Variants in SCN10A observed in about 807,000 individuals in gnomAD.
The protein encoded by SCN10A is sodium voltage-gated channel alpha subunit 10.
Under a neutral mutation model 170.7 loss-of-function variants are expected in SCN10A, and 162 were observed. The observed-to-expected ratio is 0.95, with a 90% confidence interval of 0.84 to 1.08. SCN10A has a LOEUF of 1.08. Among genes scored for constraint, SCN10A ranks in the 50% least tolerant of loss-of-function variants. The pLI is 0.00. For missense variants in SCN10A, 2,527 were observed against 2,436.9 expected (o/e 1.04, Z -0.78); for synonymous variants, 985 against 904.6 (o/e 1.09, Z -1.59).
intron 8 of SCN10A, among the ~76,000 whole-genome samples, chr3:38,759,439 C>A (rs1252697983): frequency 6.6e-6 from 1 of 152,054 alleles, no homozygotes; most frequent in Non-Finnish European, 1.5e-5. Context: ...CTTGAAAGCT[C>A]ACCTCAAACA....
intron 20 of SCN10A, among the ~76,000 whole-genome samples, chr3:38,720,978 T>C (rs1053620109): frequency 5.3e-5 from 8 of 152,174 alleles, no homozygotes; most frequent in African/African-American, 1.9e-4. Context: ...GCCAGGGCAC[T>C]GGGCACCTGC....
At chr3:38,726,502 T>G in intron 17 of SCN10A, 104 bp downstream of exon 17, 3 of 937,680 alleles carry the variant, frequency 3.2e-6, no homozygotes, top group Non-Finnish European at 4.7e-6. Flanking sequence ...GGTTTAAACT[T>G]CTTTATGTCA....
intron 11 of SCN10A, among the ~76,000 whole-genome samples, chr3:38,753,733 T>G (rs903585934): frequency 3.9e-5 from 6 of 152,180 alleles, no homozygotes; most frequent in African/African-American, 1.4e-4. Context: ...AGCAAACCAA[T>G]GAAGAAACTG....
intron 5 of SCN10A, among the ~76,000 whole-genome samples, chr3:38,768,536 T>A (rs2063961332): frequency 6.6e-6 from 1 of 152,206 alleles, no homozygotes; most frequent in Admixed American, 6.5e-5. Flanking sequence ...TGGCTGGCAA[T>A]TATTTTGTTT....
At chr3:38,811,963 G>C (rs1276551085) in intron 1 of SCN10A, among the ~76,000 whole-genome samples, 1 of 152,178 alleles carries the variant, frequency 6.6e-6, no homozygotes, top group African/African-American at 2.4e-5. Flanking sequence ...CCGCTCACTT[G>C]GTTTACGGTG....
intron 19 of SCN10A, 137 bp downstream of exon 19, chr3:38,723,293 G>A (rs991357441): frequency 2.9e-6 from 3 of 1,033,480 alleles, no homozygotes; most frequent in African/African-American, 3.1e-5. Context: ...TCTGATGCGG[G>A]CGCCCTCAAG....
intron 5 of SCN10A, among the ~76,000 whole-genome samples, chr3:38,765,875 G>C (rs1237053811): frequency 2.6e-5 from 4 of 152,020 alleles, no homozygotes; most frequent in Non-Finnish European, 4.4e-5. Context: ...CCATTTGTTT[G>C]TGTCATCTGT....
chr3:38,783,466 C>T (rs981285418), intron 4 of SCN10A, among the ~76,000 whole-genome samples: 4 of 151,918 alleles, frequency 2.6e-5, no homozygotes, highest in Admixed American at 2.6e-4. Context: ...TTATGTAATC[C>T]TTTGCATTTG....
At chr3:38,741,322 A>G (rs527845696) in intron 14 of SCN10A, among the ~76,000 whole-genome samples, 6 of 149,280 alleles carry the variant, frequency 4.0e-5, no homozygotes, top group African/African-American at 1.3e-4. Context: ...ACACACACAC[A>G]CGCAAGTCTT....
intron 5 of SCN10A, among the ~76,000 whole-genome samples, chr3:38,767,794 T>C (rs1054825928): frequency 1.3e-5 from 2 of 152,174 alleles, no homozygotes; most frequent in Admixed American, 6.5e-5. Flanking sequence ...TGTTTCTTTG[T>C]TGACTTTCTG....
chr3:38,726,843 T>A lies in SCN10A; in HGVS notation c.2850A>T (p.Lys950Asn), dbSNP rs7374804. ...QPKAEPELVV[K>N]LPLSSSKAEN... ...CAGCCTTGGAGCTGGAGAGTGGGAG[T>A]TTCACCACCAGCTCAGGCTCTGCCT... The change falls in exon 17 of 28, where the codon AAA becomes AAT. Residue 950 changes from lysine (K) to asparagine (N), a missense_variant. Transcript: ENST00000449082. 3.0e-5 allele frequency: 48 copies of A among 1,613,444 alleles called. No homozygotes were observed. The highest frequency in any genetic ancestry group is 3.7e-5 in the Non-Finnish European group (44 of 1,179,712).
intron 21 of SCN10A, among the ~76,000 whole-genome samples, chr3:38,717,458 A>C (rs1318521544): frequency 3.9e-5 from 6 of 152,198 alleles, no homozygotes; most frequent in African/African-American, 1.4e-4. Context: ...GGAATAAATA[A>C]TTTTCCTTTC....
chr3:38,760,076 C>T (rs1480289865), intron 8 of SCN10A, among the ~76,000 whole-genome samples: 1 of 152,226 alleles, frequency 6.6e-6, no homozygotes, highest in East Asian at 1.9e-4. Context: ...TATGTATCCA[C>T]ACCCTTTCCA....
At chr3:38,734,712 G>T (rs1575974123) in intron 15 of SCN10A, among the ~76,000 whole-genome samples, 1 of 152,118 alleles carries the variant, frequency 6.6e-6, no homozygotes, top group South Asian at 2.1e-4. Flanking sequence ...TTTAAAAAAA[G>T]CCTGCCACAA....
intron 27 of SCN10A, among the ~76,000 whole-genome samples, chr3:38,701,167 C>T: frequency 6.6e-6 from 1 of 152,208 alleles, no homozygotes; most frequent in East Asian, 1.9e-4. Flanking sequence ...AAGGCAGCTC[C>T]ATTTCCCCAT....
At chr3:38,761,101 T>C in intron 7 of SCN10A, 91 bp downstream of exon 7, 1 of 1,053,438 alleles carries the variant, frequency 9.5e-7, no homozygotes, top group Non-Finnish European at 1.4e-6. Flanking sequence ...TATATGTCTA[T>C]ACACACACAC....
At chr3:38,702,796 T>A (rs2063170403) in intron 26 of SCN10A, among the ~76,000 whole-genome samples, 1 of 152,234 alleles carries the variant, frequency 6.6e-6, no homozygotes, top group Non-Finnish European at 1.5e-5. Context: ...GTTGTTTGCA[T>A]CTTGGAAGGA....
At chr3:38,718,564 C>T (rs2063355631) in intron 21 of SCN10A, 89 bp downstream of exon 21, 2 of 1,393,290 alleles carry the variant, frequency 1.4e-6, no homozygotes, top group South Asian at 2.6e-5. Flanking sequence ...CCCTTGAGGG[C>T]CAGGTCTCTG....
In SCN10A at chr3:38,752,500, G is replaced by T; in HGVS notation, c.1474C>A (p.Leu492Ile). 6.3e-7 allele frequency: 1 copy of T among 1,581,410 alleles called. No individual in the cohort carries two copies. Among genetic ancestry groups the T allele is most frequent in the Non-Finnish European group, 8.6e-7 (1 of 1,162,660 alleles). The change falls in exon 12 of 28, where the codon CTC becomes ATC. Residue 492 changes from leucine to isoleucine, a missense_variant. Leu to Ile is a conservative substitution (Grantham distance 5). Coordinates refer to ENST00000449082, the MANE Select transcript of SCN10A (RefSeq NM_006514.4). Reference protein sequence around the residue: ...YNQRRMSFLGLASGKRRASHG... With the variant: ...YNQRRMSFLGIASGKRRASHG... ...CTAGCCCGGCGTTTTCCAGAGGCGAGGCCTAGAAAAGACTGGGCATTGCCC... is the reference window on the plus strand; with the variant it reads ...CTAGCCCGGCGTTTTCCAGAGGCGATGCCTAGAAAAGACTGGGCATTGCCC...
Sources: allele counts gnomAD v4.1 joint callset (sites outside exome capture counted in the v4.1 genomes callset), GRCh38; gene constraint gnomAD v4.1.1; transcripts MANE v1.5; gene names NCBI Gene and HGNC (gene_info 2026-07-23, HGNC 2026-07-21).